PCDHA12: variants seen among roughly 807,000 people sequenced by gnomAD.
PCDHA12 encodes protocadherin alpha 12, also known as protocadherin alpha-12.
Under a neutral mutation model 60.0 loss-of-function variants are expected in PCDHA12, and 44 were observed. That is an observed-to-expected ratio of 0.73 (90% confidence interval 0.58 to 0.94). PCDHA12 has a LOEUF of 0.94. Among genes scored for constraint, PCDHA12 ranks in the 40% least tolerant of loss-of-function variants. The pLI is 0.00. For synonymous variants in PCDHA12, 569 were observed against 553.0 expected, an observed-to-expected ratio of 1.03 and a Z score of -0.40; for missense variants, 1,276 against 1,239.7, an observed-to-expected ratio of 1.03 and a Z score of -0.44.
At chr5:140,961,617 C>A (rs781986571) in intron 1 of PCDHA12, among the ~76,000 whole-genome samples, 47 of 152,204 alleles carry the variant, frequency 3.1e-4, no homozygotes, top group Middle Eastern at 3.4e-3. Context: ...AACTAAAGTG[C>A]CCATATGAAA....
At chr5:140,915,479 G>T (rs1170530979) in intron 1 of PCDHA12, among the ~76,000 whole-genome samples, 1 of 151,948 alleles carries the variant, frequency 6.6e-6, no homozygotes, top group African/African-American at 2.4e-5. Flanking sequence ...AAGGAGCTTG[G>T]GCCTCAATCC....
chr5:140,934,926 G>A lies in PCDHA12; in HGVS notation c.2368-44023G>A, dbSNP rs1054459840. Among the ~76,000 whole-genome samples, 3 of 152,116 alleles carry A rather than the reference G, an allele frequency of 2.0e-5. No homozygotes were observed. In the East Asian group the frequency reaches 5.8e-4, roughly 29 times the overall value. On this transcript the variant is annotated intron_variant, in intron 1 of 3. Transcript: ENST00000398631. ...TGGAATAATTATGGATTCACATAAA[G>A]TTACAAAACTAGTATAGAGAGATCC...
intron 3 of PCDHA12, among the ~76,000 whole-genome samples, chr5:140,997,754 G>A (rs1450156263): frequency 6.6e-6 from 1 of 151,922 alleles, no homozygotes; most frequent in Non-Finnish European, 1.5e-5. Context: ...ATCTTCTTGA[G>A]TAAGGATATA....
intron 3 of PCDHA12, among the ~76,000 whole-genome samples, chr5:140,983,787 A>G (rs1439684844): frequency 6.6e-6 from 1 of 152,234 alleles, no homozygotes; most frequent in Non-Finnish European, 1.5e-5. Flanking sequence ...ATAACAGATG[A>G]CAGAATGTGT....
intron 1 of PCDHA12, among the ~76,000 whole-genome samples, chr5:140,921,151 ATT>A (rs11299094): frequency 0.33 from 49,606 of 151,532 alleles, 8,413 homozygotes; most frequent in East Asian, 0.53. Flanking sequence ...CAGCTAATGC[ATT>A]TTTTTTTTAA....
At position 140,978,971 on chromosome 5, in the gene PCDHA12, G is replaced by T. The variant is rs782774245; in HGVS notation, c.2390G>T (p.Trp797Leu). Residue 797 changes from tryptophan (W) to leucine (L), a missense_variant, in exon 2 of 4, where the codon TGG becomes TTG. Physicochemically the swap from Trp to Leu is moderately conservative, Grantham distance 61 (BLOSUM62 -2). Coordinates refer to ENST00000398631, the MANE Select transcript of PCDHA12 (RefSeq NM_018903.4). ...PSEPRQPNPD[W>L]RYSASLRAGM... is the part of the protein sequence containing the mutation. ...CAGCCACGACAGCCCAACCCTGACT[G>T]GCGTTACTCTGCCTCCCTGAGAGCA... The T allele has an allele frequency of 6.2e-7, 1 of 1,614,170 alleles. No individual in the cohort carries two copies. The highest frequency in any genetic ancestry group is 1.1e-5 in the South Asian group (1 of 91,076).
intron 1 of PCDHA12, among the ~76,000 whole-genome samples, chr5:140,966,049 A>AC (rs2095962296): frequency 6.6e-6 from 1 of 152,102 alleles, no homozygotes; most frequent in African/African-American, 2.4e-5. Context: ...ATCGCCAGTA[A>AC]CCCCAGAGCG....
At chr5:141,009,147 C>A (rs1193433198) in intron 3 of PCDHA12, among the ~76,000 whole-genome samples, 1 of 152,332 alleles carries the variant, frequency 6.6e-6, no homozygotes, top group Admixed American at 6.5e-5. Flanking sequence ...AACCTGCCCT[C>A]TTGCTTGTCT....
intron 1 of PCDHA12, among the ~76,000 whole-genome samples, chr5:140,922,833 T>C (rs1443634582): frequency 6.6e-6 from 1 of 152,332 alleles, no homozygotes; most frequent in Admixed American, 6.5e-5. Flanking sequence ...TGCTAATAGA[T>C]GTCCTCAAAG....
At chr5:140,889,302 C>T (rs1323356979) in intron 1 of PCDHA12, among the ~76,000 whole-genome samples, 1 of 151,926 alleles carries the variant, frequency 6.6e-6, no homozygotes, top group Non-Finnish European at 1.5e-5. Flanking sequence ...TTGGAGAACT[C>T]ACTGTTGAAG....
chr5:140,996,691 C>A (rs150925396), intron 3 of PCDHA12, among the ~76,000 whole-genome samples: 217 of 152,274 alleles, frequency 1.4e-3, no homozygotes, highest in African/African-American at 5.0e-3. Context: ...TAGTATTCTT[C>A]TGAACCTCTA....
In PCDHA12 at chr5:141,009,709, C is replaced by A; in HGVS notation, c.2598C>A (p.Asn866Lys). The A allele has an allele frequency of 6.2e-7, 1 of 1,614,118 alleles. No homozygotes were observed. Among genetic ancestry groups the A allele is most frequent in the Non-Finnish European group, 8.5e-7 (1 of 1,180,024 alleles). Reference sequence around the variant, plus strand: ...GGACCTTTAAATACGGACCAGGCAACCCCAAACAATCCGGTCCCGGTGAGT... The same window carrying A: ...GGACCTTTAAATACGGACCAGGCAAACCCAAACAATCCGGTCCCGGTGAGT... ...NSWTFKYGPG[N>K]PKQSGPGELP... is the part of the protein sequence containing the mutation. The change falls in exon 4 of 4, where the codon AAC (asparagine) becomes AAA (lysine). Residue 866 changes from asparagine (N) to lysine (K), a missense_variant. Physicochemically the swap from Asn to Lys is moderately conservative, Grantham distance 94. Transcript: ENST00000398631.
At position 140,879,168 on chromosome 5, in the gene PCDHA12, A is replaced by G. The variant is rs2057882676; in HGVS notation, c.2367+1329A>G. Among the ~76,000 whole-genome samples, 5 of 152,334 alleles carry G rather than the reference A, an allele frequency of 3.3e-5. 1 individual carries two copies. Among genetic ancestry groups the G allele is most frequent in the Admixed American group, 6.5e-5 (1 of 15,308 alleles). On this transcript the variant is annotated intron_variant, in intron 1 of 3. Coordinates refer to ENST00000398631, the MANE Select transcript of PCDHA12 (RefSeq NM_018903.4). ...AGGAAAGCTATTTCTTTTTTAATAAATTAGGTATCAAGTAATGGAGACTTA... is the reference window on the plus strand; with the variant it reads ...AGGAAAGCTATTTCTTTTTTAATAAGTTAGGTATCAAGTAATGGAGACTTA...
At chr5:140,890,596 C>T (rs1236261988) in intron 1 of PCDHA12, among the ~76,000 whole-genome samples, 5 of 152,064 alleles carry the variant, frequency 3.3e-5, no homozygotes, top group African/African-American at 1.2e-4. Context: ...AGCCCTTTTC[C>T]GAATAGCTAG....
intron 1 of PCDHA12, among the ~76,000 whole-genome samples, chr5:140,932,536 T>G (rs1176427449): frequency 1.3e-5 from 2 of 151,940 alleles, no homozygotes. Flanking sequence ...TTCAAGGTGC[T>G]TTATTTAACA....
At position 141,011,990 on chromosome 5, in the gene PCDHA12, T is replaced by C. The variant is rs1554263765; in HGVS notation, c.*2053T>C. On this transcript the variant is annotated 3_prime_UTR_variant, in exon 4 of 4. Transcript: ENST00000398631. ...ACTGTCTTGTCTACTTTTAGCTTCA[T>C]TCTCCCATATTTTGAAGGGTGTGTA... 1 of 153,772 alleles carries C rather than the reference T, an allele frequency of 6.5e-6. No homozygotes were observed. The highest frequency in any genetic ancestry group is 1.5e-5 in the Non-Finnish European group (1 of 68,038). 9.5% of individuals were successfully genotyped at this position (153,772 alleles called of 1,614,324 possible). A position where few individuals can be genotyped will look rare whatever the true frequency, so the allele number is the denominator to read the frequency against.
rs374326542 is a variant in PCDHA12, at chr5:140,927,218, A to G, written c.2367+49379A>G. The G allele has an allele frequency of 2.5e-6, 4 of 1,613,972 alleles. No individual in the cohort carries two copies. The African/African-American group carries it at 5.3e-5, about 22-fold the overall frequency. On this transcript the variant is annotated intron_variant, in intron 1 of 3. Coordinates refer to ENST00000398631, the MANE Select transcript of PCDHA12 (RefSeq NM_018903.4). ...CTCGAGGACCCGCTGGAGCTGCACA[A>G]GATTCGGATTCACGTCCTGGACACC...
intron 1 of PCDHA12, among the ~76,000 whole-genome samples, chr5:140,949,378 A>G (rs2094372256): frequency 6.6e-6 from 1 of 151,852 alleles, no homozygotes; most frequent in South Asian, 2.1e-4. Flanking sequence ...TGTCCTATCA[A>G]TTGCTCAGAG....
At chr5:140,938,878 C>T (rs1324581693) in intron 1 of PCDHA12, among the ~76,000 whole-genome samples, 3 of 151,098 alleles carry the variant, frequency 2.0e-5, no homozygotes, top group Admixed American at 1.3e-4. Context: ...TAAGAAGCAA[C>T]ACACACACAC....
Sources: allele counts gnomAD v4.1 joint callset (sites outside exome capture counted in the v4.1 genomes callset), GRCh38; gene constraint gnomAD v4.1.1; transcripts MANE v1.5; gene names NCBI Gene and HGNC (gene_info 2026-07-23, HGNC 2026-07-21).